The following NECTIN2 variants were observed in gnomAD, a reference collection of about 807,000 sequenced individuals.
The protein encoded by NECTIN2 is nectin-2.
In NECTIN2, 23 loss-of-function variants were observed where a neutral mutation model predicts 56.9. The observed-to-expected ratio is 0.40, with a 90% CI of 0.29 to 0.57. The LOEUF (loss-of-function observed/expected upper bound fraction) is 0.57. Ranked by LOEUF, NECTIN2 falls within the 20% of genes least tolerant of loss-of-function variation. The pLI is 0.38. For missense variants in NECTIN2, 587 were observed against 718.3 expected, an observed-to-expected ratio of 0.82 and a Z score of 2.09; for synonymous variants, 302 against 313.8, an observed-to-expected ratio of 0.96 and a Z score of 0.40.
At position 44,877,251 on chromosome 19, in the gene NECTIN2, A is replaced by AC. The variant is rs1442287806; in HGVS notation, c.1042+2779dup. Among the ~76,000 whole-genome samples the AC allele has an allele frequency of 4.6e-5, 7 of 151,392 alleles. No individual in the cohort carries two copies. In the East Asian group the frequency reaches 5.9e-4, roughly 13 times the overall value. On this transcript the variant is annotated intron_variant, in intron 5 of 8. Transcript: ENST00000252483. Reference sequence around the variant, plus strand: ...TAGAGGTGGGGTCAGGTGTGGGTGAACCCCCCACCCCCGTCTGTCCCAGTT... The same window carrying AC: ...TAGAGGTGGGGTCAGGTGTGGGTGAACCCCCCCACCCCCGTCTGTCCCAGTT...
chr19:44,878,616 T>C (rs1743849324), intron 5 of NECTIN2: 1 of 1,594,032 alleles, frequency 6.3e-7, no homozygotes, highest in Non-Finnish European at 8.5e-7. Context: ...GCAGTTTATG[T>C]GTGACCTGGA....
intron 5 of NECTIN2, among the ~76,000 whole-genome samples, chr19:44,880,794 A>G (rs1336266097): frequency 6.9e-6 from 1 of 144,996 alleles, no homozygotes; most frequent in African/African-American, 2.6e-5. Flanking sequence ...TTTTTTTTTA[A>G]GACGGAGTTT....
chr19:44,884,609 C>T (rs966735117), intron 6 of NECTIN2, among the ~76,000 whole-genome samples: 8 of 152,220 alleles, frequency 5.3e-5, no homozygotes, highest in Non-Finnish European at 1.2e-4. Flanking sequence ...GTGTCCGAGA[C>T]GGCCTGGAGC....
intron 2 of NECTIN2, among the ~76,000 whole-genome samples, chr19:44,867,462 C>G (rs1969114590): frequency 1.3e-5 from 2 of 152,212 alleles, no homozygotes; most frequent in South Asian, 4.1e-4. Context: ...CTACTGCACT[C>G]CATCCTGGAC....
At chr19:44,855,117 CAAA>C (rs56220442) in intron 1 of NECTIN2, among the ~76,000 whole-genome samples, 9 of 120,288 alleles carry the variant, frequency 7.5e-5, no homozygotes, top group Non-Finnish European at 3.4e-5. Context: ...GACTCCGTCT[CAAA>C]AAAAAAAAAA....
chr19:44,868,066 A>G (rs1459901507), intron 2 of NECTIN2, among the ~76,000 whole-genome samples: 1 of 152,092 alleles, frequency 6.6e-6, no homozygotes, highest in African/African-American at 2.4e-5. Context: ...AAGCAGGATC[A>G]GAGAGGAGTC....
At chr19:44,848,357 C>G (rs1439419025) in intron 1 of NECTIN2, among the ~76,000 whole-genome samples, 1 of 152,150 alleles carries the variant, frequency 6.6e-6, no homozygotes, top group African/African-American at 2.4e-5. Flanking sequence ...GAAACAGGCT[C>G]AGCAAAGGCA....
At chr19:44,884,106 T>TA (rs75039564) in intron 6 of NECTIN2, among the ~76,000 whole-genome samples, 2,707 of 137,422 alleles carry the variant, frequency 0.02, 78 homozygotes, top group Admixed American at 0.1. Flanking sequence ...TGAGACCTTG[T>TA]AAAAAAAAAA....
chr19:44,869,038 C>G (rs1336459729), intron 2 of NECTIN2, among the ~76,000 whole-genome samples: 1 of 152,082 alleles, frequency 6.6e-6, no homozygotes, highest in Admixed American at 6.6e-5. Flanking sequence ...AGAAGGTCAC[C>G]CTGTGCTATC....
At chr19:44,848,374 C>T (rs988088549) in intron 1 of NECTIN2, among the ~76,000 whole-genome samples, 16 of 152,176 alleles carry the variant, frequency 1.1e-4, no homozygotes, top group African/African-American at 3.6e-4. Context: ...GGCAAGCAGC[C>T]TTCTCAAGGT....
intron 5 of NECTIN2, among the ~76,000 whole-genome samples, chr19:44,877,309 G>A (rs1969250961): frequency 6.6e-6 from 1 of 152,176 alleles, no homozygotes; most frequent in South Asian, 2.1e-4. Context: ...GGAAGTGGAT[G>A]TGGGTAGGTT....
Position 44,885,923 on chromosome 19 carries a change from C to G in NECTIN2, c.1197-14C>G. 1 of 1,558,138 alleles carries G rather than the reference C, an allele frequency of 6.4e-7. No individual in the cohort carries two copies. Among genetic ancestry groups the G allele is most frequent in the African/African-American group, 1.4e-5 (1 of 73,596 alleles). On this transcript the variant is annotated splice_polypyrimidine_tract_variant and intron_variant, in intron 6 of 8. Transcript: ENST00000252483. ...GGGTCTTAATCTCCACTTGTCCTACCTCCTACCCCACAGCCTGGAGGGACC... is the reference window on the plus strand; with the variant it reads ...GGGTCTTAATCTCCACTTGTCCTACGTCCTACCCCACAGCCTGGAGGGACC...
intron 2 of NECTIN2, among the ~76,000 whole-genome samples, chr19:44,866,071 C>A (rs745798167): frequency 1.8e-4 from 28 of 152,060 alleles, no homozygotes; most frequent in Admixed American, 4.6e-4. Context: ...ACTCAGGAGG[C>A]TGAGTCAGGA....
intron 1 of NECTIN2, among the ~76,000 whole-genome samples, chr19:44,849,599 C>T (rs903800210): frequency 3.9e-5 from 6 of 152,206 alleles, no homozygotes; most frequent in Admixed American, 6.5e-5. Context: ...CAAGATGGGC[C>T]AGGCTGTGAG....
chr19:44,846,310 G>A lies in NECTIN2; in HGVS notation c.-216G>A, dbSNP rs1220262343. On this transcript the variant is annotated 5_prime_UTR_variant, in exon 1 of 9. Transcript: ENST00000252483. ...CGGGTGGATCCTGTGACGTCAGCGG[G>A]TTCGAACCGCCGGAGCTGAGCGAGA... 8 of 496,688 alleles carry A rather than the reference G, an allele frequency of 1.6e-5. No individual in the cohort carries two copies. Among genetic ancestry groups the A allele is most frequent in the Non-Finnish European group, 2.0e-5 (6 of 297,936 alleles). The allele number at this position is 496,688 out of a possible 1,614,324, so 30.8% of individuals were successfully genotyped here.
At chr19:44,855,293 C>T (rs1005325812) in intron 1 of NECTIN2, among the ~76,000 whole-genome samples, 5 of 150,518 alleles carry the variant, frequency 3.3e-5, no homozygotes, top group Admixed American at 1.3e-4. Context: ...AGCGTGGTGG[C>T]GGGCGCCTGT....
rs553380791 is a variant in NECTIN2, at chr19:44,874,190, C to T, written c.894-140C>T. ...CCTAAGTCCTCCAGGATGAAGGGAG[C>T]TTGCATTTTGGCAATTTGGGGTCTC... On this transcript the variant is annotated intron_variant, in intron 4 of 8. Coordinates refer to ENST00000252483, the MANE Select transcript of NECTIN2 (RefSeq NM_001042724.2). This position sits in a 1 kb window ranked among gnomAD's most constrained non-coding sequence, Gnocchi z 6.3. 18 of 1,274,158 alleles carry T rather than the reference C, an allele frequency of 1.4e-5. No homozygotes were observed. In the South Asian group the frequency reaches 1.9e-4, roughly 13 times the overall value. 78.9% of individuals were successfully genotyped at this position (1,274,158 alleles called of 1,614,324 possible).
At position 44,865,582 on chromosome 19, in the gene NECTIN2, G is replaced by A. The variant is rs1392500163; in HGVS notation, c.400G>A (p.Asp134Asn). 4 of 1,547,422 alleles carry A rather than the reference G, an allele frequency of 2.6e-6. No homozygotes were observed. The highest frequency in any genetic ancestry group is 1.4e-5 in the African/African-American group (1 of 73,186). ...TLALHGLTVEDEGNYTCEFAT... is the reference protein window; with the variant it reads ...TLALHGLTVENEGNYTCEFAT... ...GGCCCTCCACGGGCTCACGGTGGAG[G>A]ACGAGGGCAACTACACTTGCGAGTT... The change falls in exon 2 of 9, where the codon GAC becomes AAC. Residue 134 changes from aspartate (D) to asparagine (N), a missense_variant. Coordinates refer to ENST00000252483, the MANE Select transcript of NECTIN2 (RefSeq NM_001042724.2). This position sits in a 1 kb window ranked among gnomAD's most constrained non-coding sequence, Gnocchi z 5.2.
chr19:44,888,596 G>C lies in NECTIN2; in HGVS notation c.*217G>C, dbSNP rs11549723. On this transcript the variant is annotated 3_prime_UTR_variant, in exon 9 of 9. Transcript: ENST00000252483. ...AATCCTGGCAACCTTATCTCATGAG[G>C]CAGGAGGTGGGGAAGGTGCTTCTGC... is the stretch of plus-strand genomic sequence containing the variant. 1.7e-6 allele frequency: 1 copy of C among 580,734 alleles called. No individual in the cohort carries two copies. Among genetic ancestry groups the C allele is most frequent in the African/African-American group, 1.9e-5 (1 of 53,718 alleles). The allele number at this position is 580,734 out of a possible 1,614,324, so 36.0% of individuals were successfully genotyped here. A position where few individuals can be genotyped will look rare whatever the true frequency, so the allele number is the denominator to read the frequency against.
Sources: gnomAD v4.1 joint callset for allele counts (sites outside exome capture counted in the v4.1 genomes callset) on GRCh38, gnomAD v4.1.1 for gene constraint, Gnocchi (gnomAD v3.1) non-coding constraint, MANE v1.5 for transcripts, NCBI Gene and HGNC (gene_info 2026-07-23, HGNC 2026-07-21) for gene names.